The following PTPRG variants were observed in gnomAD, a reference collection of about 807,000 sequenced individuals.
PTPRG encodes the protein protein tyrosine phosphatase receptor type G.
A neutral mutation model predicts 165.3 loss-of-function variants in PTPRG; 102 were observed. The ratio of observed to expected loss-of-function variants is 0.62; its 90% CI spans 0.53 to 0.73. PTPRG has a LOEUF of 0.73. Ranked by LOEUF, PTPRG falls within the 30% of genes least tolerant of loss-of-function variation. PTPRG has a pLI of 0.00. For missense variants in PTPRG, 1,866 were observed against 1,861.4 expected (o/e 1.00, Z -0.05); for synonymous variants, 675 against 669.5 (o/e 1.01, Z -0.13).
chr3:61,851,452 A>G (rs558176140), intron 2 of PTPRG, among the ~76,000 whole-genome samples: 3 of 152,072 alleles, frequency 2.0e-5, no homozygotes, highest in African/African-American at 7.2e-5. Flanking sequence ...TGGTGGCCAG[A>G]AAATATACAA....
intron 2 of PTPRG, among the ~76,000 whole-genome samples, chr3:61,856,407 G>A (rs1042334419): frequency 2.6e-5 from 4 of 152,050 alleles, no homozygotes; most frequent in East Asian, 1.9e-4. Flanking sequence ...TTAAGCTCTA[G>A]CATAAGAACA....
chr3:61,956,263 C>T (rs572049059), intron 2 of PTPRG, among the ~76,000 whole-genome samples: 19 of 134,548 alleles, frequency 1.4e-4, no homozygotes, highest in African/African-American at 4.7e-4. Flanking sequence ...AGTGCTCACT[C>T]GCGTGCACGC....
rs544586436 is a variant in PTPRG at position 62,119,621 on chromosome 3, T to A, written c.616-12981T>A. Among the ~76,000 whole-genome samples the A allele has an allele frequency of 2.7e-3, 411 of 151,848 alleles. 3 individuals are homozygous for A. Among genetic ancestry groups the A allele is most frequent in the South Asian group, 0.014 (65 of 4,800 alleles). On this transcript the variant is annotated intron_variant, in intron 5 of 29. Coordinates refer to ENST00000474889, the MANE Select transcript of PTPRG (RefSeq NM_002841.4). ...TTAGATTTTTTTTTTTTAATTTTTTTATTTTTTTATTTATTTTGAGACAGA... is the reference window on the plus strand; with the variant it reads ...TTAGATTTTTTTTTTTTAATTTTTTAATTTTTTTATTTATTTTGAGACAGA...
chr3:61,672,774 GGAGAGAGGGA>G (rs1423935760), intron 1 of PTPRG, among the ~76,000 whole-genome samples: 131 of 139,294 alleles, frequency 9.4e-4, no homozygotes, highest in Middle Eastern at 3.6e-3. Flanking sequence ...AGAGGGAGAG[GGAGAGAGGGA>G]GAGAGAGGGA....
At chr3:61,894,379 T>C (rs2107506814) in intron 2 of PTPRG, among the ~76,000 whole-genome samples, 1 of 146,062 alleles carries the variant, frequency 6.8e-6, no homozygotes, top group East Asian at 2.0e-4. Flanking sequence ...TGGAAACTAT[T>C]TAAAAGAGTA....
At chr3:61,951,543 G>T (rs1011046653) in intron 2 of PTPRG, among the ~76,000 whole-genome samples, 1 of 152,106 alleles carries the variant, frequency 6.6e-6, no homozygotes, top group East Asian at 1.9e-4. Context: ...GGATTATTTC[G>T]TGGGAAGATG....
At chr3:61,922,178 A>G (rs1195174672) in intron 2 of PTPRG, among the ~76,000 whole-genome samples, 3 of 152,240 alleles carry the variant, frequency 2.0e-5, no homozygotes, top group Non-Finnish European at 4.4e-5. Flanking sequence ...TTTCTCAGCC[A>G]AAAGTACTAA....
chr3:62,186,567 C>CCTTTTTTTTTTTTTTTTTTTTTTTTTTT (rs1705895088), intron 8 of PTPRG, among the ~76,000 whole-genome samples: 2 of 117,542 alleles, frequency 1.7e-5, no homozygotes, highest in African/African-American at 3.5e-5. Flanking sequence ...TTTTCTTTTC[C>CCTTTTTTTTTTTTTTTTTTTTTTTTTTT]TTTTTTTTTT....
intron 2 of PTPRG, among the ~76,000 whole-genome samples, chr3:61,919,566 AG>A (rs1575784605): frequency 6.6e-6 from 1 of 152,114 alleles, no homozygotes; most frequent in African/African-American, 2.4e-5. Context: ...ACAATCCAGT[AG>A]GGGTCACTGG....
chr3:61,695,308 G>A (rs2030507281), intron 1 of PTPRG, among the ~76,000 whole-genome samples: 1 of 152,210 alleles, frequency 6.6e-6, no homozygotes, highest in South Asian at 2.1e-4. Context: ...ACCGCGCCTG[G>A]CGTGTTTGGC....
chr3:62,218,730 G>A (rs1297350292), intron 12 of PTPRG, 121 bp from the exon 13 acceptor site: 1 of 1,321,318 alleles, frequency 7.6e-7, no homozygotes, highest in Non-Finnish European at 1.0e-6. Context: ...TCATGGGGCA[G>A]CTCAGAGCAA....
At chr3:61,873,794 T>C (rs1304227545) in intron 2 of PTPRG, among the ~76,000 whole-genome samples, 1 of 152,156 alleles carries the variant, frequency 6.6e-6, no homozygotes, top group Non-Finnish European at 1.5e-5. Context: ...TATAAATGAT[T>C]AGCTAAGTGA....
At chr3:62,128,196 T>C (rs1703385150) in intron 5 of PTPRG, among the ~76,000 whole-genome samples, 1 of 152,068 alleles carries the variant, frequency 6.6e-6, no homozygotes, top group Non-Finnish European at 1.5e-5. Flanking sequence ...AGGAGCGAAG[T>C]TTTGCAATGA....
intron 2 of PTPRG, among the ~76,000 whole-genome samples, chr3:61,773,388 A>G (rs560151755): frequency 8.7e-4 from 132 of 152,334 alleles, no homozygotes; most frequent in Middle Eastern, 3.4e-3. Context: ...ATTGGTAGCA[A>G]TGTAATAATA....
chr3:61,860,198 A>G (rs1445600567), intron 2 of PTPRG, among the ~76,000 whole-genome samples: 1 of 152,152 alleles, frequency 6.6e-6, no homozygotes, highest in Non-Finnish European at 1.5e-5. Context: ...TGAAATTGAA[A>G]CAGTTGATAG....
At chr3:61,746,461 A>G (rs1367030510) in intron 1 of PTPRG, among the ~76,000 whole-genome samples, 1 of 151,876 alleles carries the variant, frequency 6.6e-6, no homozygotes, top group African/African-American at 2.4e-5. Context: ...TTGTAGAGAT[A>G]GGGTTTCGCC....
At chr3:62,059,089 T>C (rs1700722902) in intron 4 of PTPRG, among the ~76,000 whole-genome samples, 1 of 152,212 alleles carries the variant, frequency 6.6e-6, no homozygotes, top group South Asian at 2.1e-4. Context: ...TCCCTAACTG[T>C]TCACCAGCTA....
intron 2 of PTPRG, among the ~76,000 whole-genome samples, chr3:61,926,324 T>C (rs2039209799): frequency 6.6e-6 from 1 of 152,042 alleles, no homozygotes; most frequent in Admixed American, 6.5e-5. Flanking sequence ...ACCATCCCCT[T>C]GGTGCTGTTC....
intron 2 of PTPRG, among the ~76,000 whole-genome samples, chr3:61,807,653 T>A (rs550775946): frequency 6.6e-6 from 1 of 152,246 alleles, no homozygotes; most frequent in South Asian, 2.1e-4. Flanking sequence ...TATACACATA[T>A]GTACACTTGT....
Sources: allele counts gnomAD v4.1 joint callset (sites outside exome capture counted in the v4.1 genomes callset), GRCh38; gene constraint gnomAD v4.1.1; transcripts MANE v1.5; gene names NCBI Gene and HGNC (gene_info 2026-07-23, HGNC 2026-07-21).